The following CDC42 variants were observed in gnomAD, a reference collection of about 807,000 sequenced individuals.
CDC42 encodes the protein cell division cycle 42.
Under a neutral mutation model 20.8 loss-of-function variants are expected in CDC42, and 1 was observed. The ratio of observed to expected loss-of-function variants is 0.05; its 90% CI spans 0.02 to 0.23. The LOEUF (loss-of-function observed/expected upper bound fraction) is 0.23, where lower values mean the gene tolerates loss of function less well. CDC42 is among the 10% of genes least tolerant of loss of function. The pLI is 1.00. For missense variants in CDC42, 49 were observed against 227.9 expected, an observed-to-expected ratio of 0.21 and a Z score of 5.05; for synonymous variants, 72 against 84.8, an observed-to-expected ratio of 0.85 and a Z score of 0.83.
rs1034490960 is a variant in CDC42, at chr1:22,100,272, A to G, written c.*8755A>G. Among the ~76,000 whole-genome samples, 16 of 152,176 alleles carry G rather than the reference A, an allele frequency of 1.1e-4. No homozygotes were observed. Among genetic ancestry groups the G allele is most frequent in the Non-Finnish European group, 2.4e-4 (16 of 68,024 alleles). Reference sequence around the variant, plus strand: ...TTTTGAGTTTAAGTAGTAAACTCCTAAACTTCAAGTCATGTTTGTATTAGT... The same window carrying G: ...TTTTGAGTTTAAGTAGTAAACTCCTGAACTTCAAGTCATGTTTGTATTAGT... On this transcript the variant is annotated 3_prime_UTR_variant, in exon 6 of 6. Coordinates refer to ENST00000656825, the MANE Select transcript of CDC42 (RefSeq NM_001791.4).
intron 1 of CDC42, among the ~76,000 whole-genome samples, chr1:22,075,665 C>T (rs969292692): frequency 2.0e-5 from 3 of 152,218 alleles, no homozygotes; most frequent in Non-Finnish European, 4.4e-5. Context: ...GTATGCCAAG[C>T]ACTGTTGCAA....
chr1:22,082,137 A>G (rs181636378), intron 3 of CDC42, among the ~76,000 whole-genome samples: 1 of 152,284 alleles, frequency 6.6e-6, no homozygotes, highest in African/African-American at 2.4e-5. Flanking sequence ...AAGGGAATGA[A>G]TTCATAGGAA....
chr1:22,054,400 C>T (rs1422758639), intron 1 of CDC42, among the ~76,000 whole-genome samples: 1 of 151,868 alleles, frequency 6.6e-6, no homozygotes. Flanking sequence ...ATTTTTTGTA[C>T]AGACAGGGTT....
chr1:22,082,278 GA>G (rs1645615349), intron 3 of CDC42, among the ~76,000 whole-genome samples: 1 of 152,148 alleles, frequency 6.6e-6, no homozygotes, highest in Non-Finnish European at 1.5e-5. Context: ...CTTGATATTT[GA>G]AGGCATATTC....
At chr1:22,086,316 C>G (rs1052604306) in intron 3 of CDC42, 123 bp from the exon 4 acceptor site, 3 of 623,820 alleles carry the variant, frequency 4.8e-6, no homozygotes, top group African/African-American at 1.8e-5. Context: ...TATTATATTA[C>G]AAAGCCATAC....
intron 1 of CDC42, among the ~76,000 whole-genome samples, chr1:22,058,142 A>G (rs983878984): frequency 6.6e-6 from 1 of 152,190 alleles, no homozygotes; most frequent in South Asian, 2.1e-4. Flanking sequence ...CTGGGAGCTC[A>G]TTAGAACTAT....
chr1:22,079,695 G>A (rs952060890), intron 2 of CDC42, among the ~76,000 whole-genome samples: 1 of 152,196 alleles, frequency 6.6e-6, no homozygotes, highest in Non-Finnish European at 1.5e-5. Flanking sequence ...TTGAGGTTCA[G>A]TGGACTTACA....
chr1:22,076,746 G>T (rs1308381693), intron 1 of CDC42, among the ~76,000 whole-genome samples: 1 of 152,122 alleles, frequency 6.6e-6, no homozygotes, highest in Non-Finnish European at 1.5e-5. Flanking sequence ...AGGGATCAGG[G>T]TTGTTAATCT....
Position 22,096,692 on chromosome 1 carries a change from C to T in CDC42, c.*5175C>T, listed in dbSNP as rs1437438558. On this transcript the variant is annotated 3_prime_UTR_variant, in exon 6 of 6. Coordinates refer to ENST00000656825, the MANE Select transcript of CDC42 (RefSeq NM_001791.4). Reference sequence around the variant, plus strand: ...CGCGGTGCAGGTGGTCAGTTGGAACCCCTGATGGGTATCTGGGCCACTGCC... The same window carrying T: ...CGCGGTGCAGGTGGTCAGTTGGAACTCCTGATGGGTATCTGGGCCACTGCC... 6.6e-6 allele frequency among the ~76,000 whole-genome samples: 1 copy of T among 152,180 alleles called. No individual in the cohort carries two copies. Among genetic ancestry groups the T allele is most frequent in the Non-Finnish European group, 1.5e-5 (1 of 68,034 alleles).
At chr1:22,080,853 C>G (rs1645599581) in intron 2 of CDC42, among the ~76,000 whole-genome samples, 1 of 152,026 alleles carries the variant, frequency 6.6e-6, no homozygotes, top group African/African-American at 2.4e-5. Flanking sequence ...CAGTTTGTGC[C>G]CAATAACATG....
intron 5 of CDC42, among the ~76,000 whole-genome samples, chr1:22,087,958 A>G (rs1398336576): frequency 6.6e-6 from 1 of 152,234 alleles, no homozygotes; most frequent in Non-Finnish European, 1.5e-5. Flanking sequence ...TTTTATGCTT[A>G]ACTGGGATAT....
At chr1:22,089,626 C>T (rs1645695919) in intron 5 of CDC42, among the ~76,000 whole-genome samples, 2 of 152,168 alleles carry the variant, frequency 1.3e-5, no homozygotes, top group Non-Finnish European at 2.9e-5. Context: ...TATTTGTGTC[C>T]TTCAGTTATT....
chr1:22,057,168 G>T (rs1645312055), intron 1 of CDC42, among the ~76,000 whole-genome samples: 1 of 152,174 alleles, frequency 6.6e-6, no homozygotes. Context: ...TAGCAGTAGT[G>T]CTTACCTAAC....
chr1:22,053,522 C>G (rs1238978369), intron 1 of CDC42: 12 of 152,222 alleles, frequency 7.9e-5, no homozygotes, highest in African/African-American at 2.9e-4. Flanking sequence ...ACCTAACTAC[C>G]TCCCGAAGCC....
In CDC42 at chr1:22,091,655, G is replaced by A. The variant is rs1027124356; in HGVS notation, c.*138G>A. 7.7e-5 allele frequency: 40 copies of A among 520,936 alleles called. No homozygotes were observed. Among genetic ancestry groups the A allele is most frequent in the South Asian group, 6.1e-4 (21 of 34,388 alleles). The allele number at this position is 520,936 out of a possible 1,614,324, so 32.3% of individuals were successfully genotyped here. A position where few individuals can be genotyped will look rare whatever the true frequency, so the allele number is the denominator to read the frequency against. On this transcript the variant is annotated 3_prime_UTR_variant, in exon 6 of 6. Coordinates refer to ENST00000656825, the MANE Select transcript of CDC42 (RefSeq NM_001791.4). ...GCCCTGCACCTACCCACATGCACTC[G>A]TGTGAGACAAGGCCCATAGGTATGG...
intron 1 of CDC42, among the ~76,000 whole-genome samples, chr1:22,055,965 A>G (rs1375265652): frequency 1.3e-5 from 2 of 150,602 alleles, no homozygotes; most frequent in Non-Finnish European, 2.9e-5. Flanking sequence ...TTGTGTTAAC[A>G]TATCTTCCAT....
Position 22,094,884 on chromosome 1 carries a change from T to A in CDC42, c.*3367T>A, listed in dbSNP as rs1276662188. 4.6e-5 allele frequency among the ~76,000 whole-genome samples: 7 copies of A among 152,206 alleles called. No homozygotes were observed. In the East Asian group the frequency reaches 1.2e-3, roughly 25 times the overall value. On this transcript the variant is annotated 3_prime_UTR_variant, in exon 6 of 6. Transcript: ENST00000656825. ...CATAGAATGCTTAAATAGTGGTACT[T>A]CTTTGACTTGTTAGGTTTGGACTAT...
rs1269321288 is a variant in CDC42, at chr1:22,098,353, C to T, written c.*6836C>T. Among the ~76,000 whole-genome samples, 2 of 151,868 alleles carry T rather than the reference C, an allele frequency of 1.3e-5. No homozygotes were observed. The highest frequency in any genetic ancestry group is 2.9e-5 in the Non-Finnish European group (2 of 67,994). ...GATGGGAAGGCTGAAAAAAAAAATA[C>T]TCCTGAGATTCTGAATCTGTAAGTA... On this transcript the variant is annotated 3_prime_UTR_variant, in exon 6 of 6. Coordinates refer to ENST00000656825, the MANE Select transcript of CDC42 (RefSeq NM_001791.4).
intron 1 of CDC42, among the ~76,000 whole-genome samples, chr1:22,062,698 C>T (rs1344947032): frequency 7.8e-6 from 1 of 128,188 alleles, no homozygotes; most frequent in Non-Finnish European, 1.6e-5. Flanking sequence ...AGCCTGGTAG[C>T]CTGGTCAACA....
Sources: gnomAD v4.1 joint callset for allele counts (sites outside exome capture counted in the v4.1 genomes callset) on GRCh38, gnomAD v4.1.1 for gene constraint, MANE v1.5 for transcripts, NCBI Gene and HGNC (gene_info 2026-07-23, HGNC 2026-07-21) for gene names.